The following GABRG3 variants were observed in gnomAD, a reference collection of about 807,000 sequenced individuals.
The protein encoded by GABRG3 is gamma-aminobutyric acid receptor subunit gamma-3.
In GABRG3, 25 loss-of-function variants were observed where a neutral mutation model predicts 48.8. The ratio of observed to expected loss-of-function variants is 0.51; its 90% CI spans 0.37 to 0.72. GABRG3 has a LOEUF of 0.72. Ranked by LOEUF, GABRG3 falls within the 30% of genes least tolerant of loss-of-function variation. The pLI is 0.00. For missense variants in GABRG3, 394 were observed against 577.9 expected (o/e 0.68, Z 3.26); for synonymous variants, 227 against 217.6 (o/e 1.04, Z -0.38).
chr15:27,408,095 C>G (rs111281547), intron 5 of GABRG3, among the ~76,000 whole-genome samples: 1 of 151,900 alleles, frequency 6.6e-6, no homozygotes. Flanking sequence ...TACTGTGACC[C>G]GAAAACTGCT....
chr15:27,016,242 T>TTC (rs1895777591), intron 2 of GABRG3, among the ~76,000 whole-genome samples: 1 of 147,462 alleles, frequency 6.8e-6, no homozygotes, highest in African/African-American at 2.5e-5. Context: ...CTTTCTTTCT[T>TTC]TTTTTTTTTT....
At chr15:27,100,386 A>T (rs993642439) in intron 3 of GABRG3, among the ~76,000 whole-genome samples, 1 of 152,210 alleles carries the variant, frequency 6.6e-6, no homozygotes, top group Non-Finnish European at 1.5e-5. Flanking sequence ...TAACTGGAGA[A>T]TTTTACCAGT....
At chr15:27,233,690 ATT>A (rs1303956111) in intron 3 of GABRG3, among the ~76,000 whole-genome samples, 1 of 152,192 alleles carries the variant, frequency 6.6e-6, no homozygotes, top group Non-Finnish European at 1.5e-5. Flanking sequence ...GGACACGAAC[ATT>A]TAGTAGATAG....
At chr15:27,311,497 T>A (rs140766777) in intron 3 of GABRG3, among the ~76,000 whole-genome samples, 2 of 152,236 alleles carry the variant, frequency 1.3e-5, no homozygotes, top group African/African-American at 4.8e-5. Flanking sequence ...AGAACAGAGA[T>A]GACAATTTGA....
At chr15:27,452,500 A>G in intron 5 of GABRG3, among the ~76,000 whole-genome samples, 1 of 152,326 alleles carries the variant, frequency 6.6e-6, no homozygotes, top group Non-Finnish European at 1.5e-5. Context: ...TGAGAGCCCT[A>G]CCTATAACAA....
Position 27,192,130 on chromosome 15 carries a change from C to T in GABRG3, c.271-134679C>T, listed in dbSNP as rs556415462. On this transcript the variant is annotated intron_variant, in intron 3 of 9. Coordinates refer to ENST00000615808, the MANE Select transcript of GABRG3 (RefSeq NM_033223.5). ...GATGGGCTTCCCTTTGAGGGTAACC[C>T]GACCTTTCTCTCTGGCTGCCCTTAA... Among the ~76,000 whole-genome samples, 273 of 152,194 alleles carry T rather than the reference C, an allele frequency of 1.8e-3. 2 individuals carry two copies. Among genetic ancestry groups the T allele is most frequent in the African/African-American group, 6.1e-3 (254 of 41,522 alleles).
chr15:27,054,748 G>A (rs1469264342), intron 3 of GABRG3, among the ~76,000 whole-genome samples: 2 of 152,162 alleles, frequency 1.3e-5, no homozygotes, highest in African/African-American at 4.8e-5. Context: ...AGCAGATCCG[G>A]GGGCTTCAGG....
At chr15:27,376,452 C>T (rs1895599064) in intron 5 of GABRG3, among the ~76,000 whole-genome samples, 1 of 152,234 alleles carries the variant, frequency 6.6e-6, no homozygotes, top group African/African-American at 2.4e-5. Context: ...AGAAGTTCTC[C>T]ATGAGGGCCC....
At chr15:27,511,214 A>T (rs1464340282) in intron 6 of GABRG3, among the ~76,000 whole-genome samples, 1 of 152,246 alleles carries the variant, frequency 6.6e-6, no homozygotes, top group Admixed American at 6.5e-5. Context: ...AATTATCTAC[A>T]ATTCTTTTGT....
intron 5 of GABRG3, among the ~76,000 whole-genome samples, chr15:27,336,774 A>T (rs1019576748): frequency 2.0e-5 from 3 of 152,236 alleles, no homozygotes; most frequent in African/African-American, 7.2e-5. Flanking sequence ...CATGTTCTTC[A>T]GTGGTTAATG....
At chr15:26,972,426 G>C (rs1415919220) in intron 1 of GABRG3, among the ~76,000 whole-genome samples, 1 of 152,090 alleles carries the variant, frequency 6.6e-6, no homozygotes, top group African/African-American at 2.4e-5. Flanking sequence ...GGAGATTCTG[G>C]GTTTAGTTTC....
intron 3 of GABRG3, among the ~76,000 whole-genome samples, chr15:27,107,804 A>C (rs1897477951): frequency 6.6e-6 from 1 of 151,898 alleles, no homozygotes; most frequent in Non-Finnish European, 1.5e-5. Flanking sequence ...GGTTCATTTC[A>C]ACTAATTATT....
At chr15:27,199,731 G>A (rs1888619771) in intron 3 of GABRG3, among the ~76,000 whole-genome samples, 1 of 152,188 alleles carries the variant, frequency 6.6e-6, no homozygotes. Context: ...CCAGTGCCTT[G>A]TAGAACCATA....
rs910266697 is a variant in GABRG3, at chr15:27,200,660, G to A, written c.271-126149G>A. ...GGGCTAGATAATAAATCCTTGGGAC[G>A]TGTGGACCAGCGGATTTCTATGGTA... On this transcript the variant is annotated intron_variant, in intron 3 of 9. Transcript: ENST00000615808. Among the ~76,000 whole-genome samples, 5 of 152,136 alleles carry A rather than the reference G, an allele frequency of 3.3e-5. No homozygotes were observed. The South Asian group carries it at 6.2e-4, about 19-fold the overall frequency.
At chr15:27,419,010 C>T (rs1386986715) in intron 5 of GABRG3, 1 of 152,150 alleles carries the variant, frequency 6.6e-6, no homozygotes, top group Non-Finnish European at 1.5e-5. Context: ...TAATGGTACA[C>T]CTGCAGTTCC....
intron 3 of GABRG3, among the ~76,000 whole-genome samples, chr15:27,207,156 C>T (rs1168786576): frequency 6.6e-6 from 1 of 152,108 alleles, no homozygotes; most frequent in East Asian, 1.9e-4. Flanking sequence ...TGGTTTATCT[C>T]CTCCTTCTGA....
At chr15:27,520,158 G>T in intron 7 of GABRG3, 34 bp downstream of exon 7, 1 of 1,560,606 alleles carries the variant, frequency 6.4e-7, no homozygotes, top group South Asian at 1.2e-5. Context: ...ACAAATTTGC[G>T]TAATTGTAAT....
intron 5 of GABRG3, among the ~76,000 whole-genome samples, chr15:27,346,724 G>T (rs1210258467): frequency 1.6e-4 from 25 of 151,670 alleles, no homozygotes; most frequent in Non-Finnish European, 4.4e-5. Context: ...TTCTACTGAT[G>T]ACCCCTCCTG....
intron 5 of GABRG3, among the ~76,000 whole-genome samples, chr15:27,373,909 A>C (rs1011167212): frequency 6.6e-6 from 1 of 152,086 alleles, no homozygotes; most frequent in African/African-American, 2.4e-5. Context: ...CGTGTTGGCC[A>C]CAATCTCCAT....
Sources: gnomAD v4.1 joint callset for allele counts (sites outside exome capture counted in the v4.1 genomes callset) on GRCh38, gnomAD v4.1.1 for gene constraint, MANE v1.5 for transcripts, NCBI Gene and HGNC (gene_info 2026-07-23, HGNC 2026-07-21) for gene names.